The following RASSF6 variants were observed in gnomAD, a reference collection of about 807,000 sequenced individuals.
RASSF6 encodes the protein Ras association domain family member 6, also known as ras association domain-containing protein 6.
A neutral mutation model predicts 44.0 loss-of-function variants in RASSF6; 52 were observed. The ratio of observed to expected loss-of-function variants is 1.18; its 90% CI spans 0.95 to 1.49. The LOEUF (loss-of-function observed/expected upper bound fraction) is 1.49. RASSF6 is among the 40% of genes most tolerant of loss of function. RASSF6 has a pLI of 0.00. For missense variants in RASSF6, 464 were observed against 393.3 expected, an observed-to-expected ratio of 1.18 and a Z score of -1.52; for synonymous variants, 162 against 124.6, an observed-to-expected ratio of 1.30 and a Z score of -2.00.
At position 73,611,840 on chromosome 4, in the gene RASSF6, G is replaced by C. The variant is rs1277151091; in HGVS notation, c.-34-11C>G. The C allele has an allele frequency of 2.0e-6, 3 of 1,527,694 alleles. No homozygotes were observed. The highest frequency in any genetic ancestry group is 2.7e-6 in the Non-Finnish European group (3 of 1,104,074). The allele number at this position is 1,527,694 out of a possible 1,614,324, so 94.6% of individuals were successfully genotyped here. A position where few individuals can be genotyped will look rare whatever the true frequency, so the allele number is the denominator to read the frequency against. On this transcript the variant is annotated splice_polypyrimidine_tract_variant and intron_variant, in intron 1 of 10. Coordinates refer to ENST00000307439, the MANE Select transcript of RASSF6 (RefSeq NM_177532.5). Reference sequence around the variant, plus strand: ...TGGTCTGAGGATATCCTAAACATGAGAATAATATTAATGATTTGTTCCTAT... The same window carrying C: ...TGGTCTGAGGATATCCTAAACATGACAATAATATTAATGATTTGTTCCTAT...
At chr4:73,580,666 GTCT>G in intron 8 of RASSF6, among the ~76,000 whole-genome samples, 1 of 149,336 alleles carries the variant, frequency 6.7e-6, no homozygotes, top group Admixed American at 6.7e-5. Context: ...CTGCATAAAT[GTCT>G]TCTTTTGAGA....
At chr4:73,582,737 G>T (rs545516825) in intron 6 of RASSF6, among the ~76,000 whole-genome samples, 5 of 151,948 alleles carry the variant, frequency 3.3e-5, no homozygotes, top group Non-Finnish European at 7.4e-5. Flanking sequence ...GTGGGTTTTG[G>T]GGTGGCTCAT....
Position 73,585,289 on chromosome 4 carries a change from G to T in RASSF6, c.458C>A (p.Thr153Asn), listed in dbSNP as rs781754338. 2.0e-5 allele frequency: 33 copies of T among 1,612,620 alleles called. No individual in the cohort carries two copies. The South Asian group carries it at 3.3e-4, about 16-fold the overall frequency. Residue 153 changes from threonine (T) to asparagine (N), a missense_variant, in exon 6 of 11, where the codon ACC (threonine) becomes AAC (asparagine). By Grantham distance (65) the Thr-to-Asn change is moderately conservative (BLOSUM62 0). Transcript: ENST00000307439. Reference protein sequence around the residue: ...DEPDSPVLYRTMSEAALVRKR... With the variant: ...DEPDSPVLYRNMSEAALVRKR... ...TCTCACCAGAGCTGCTTCACTCATGGTTCTATAGAGCACTGGGGAGTCTGG... is the reference window on the plus strand; with the variant it reads ...TCTCACCAGAGCTGCTTCACTCATGTTTCTATAGAGCACTGGGGAGTCTGG...
At chr4:73,606,910 C>T (rs1312043650) in intron 2 of RASSF6, among the ~76,000 whole-genome samples, 1 of 152,116 alleles carries the variant, frequency 6.6e-6, no homozygotes, top group Non-Finnish European at 1.5e-5. Context: ...GGGATTGTTA[C>T]TAGAGGGTCT....
At chr4:73,603,968 C>T (rs1725452418) in intron 2 of RASSF6, 1 of 152,122 alleles carries the variant, frequency 6.6e-6, no homozygotes, top group Admixed American at 6.5e-5. Context: ...ACAGTTTGAA[C>T]CCACTAAGGA....
At position 73,576,409 on chromosome 4, in the gene RASSF6, CT is replaced by C; in HGVS notation, c.938del (p.Lys313AsnfsTer10). The C allele has an allele frequency of 1.3e-6, 2 of 1,549,060 alleles. No individual in the cohort carries two copies. Among genetic ancestry groups the C allele is most frequent in the Non-Finnish European group, 8.8e-7 (1 of 1,133,072 alleles). ...EKREIQRIVTKFNKEKAIILK... is the reference protein window; with the variant it reads ...EKREIQRIVTXFNKEKAIILK... ...ATCCAATGTGCATGCTCTTGACTTACTTTGTTACTATTCTTTGAATCTCTCT... is the reference window on the plus strand; with the variant it reads ...ATCCAATGTGCATGCTCTTGACTTACTTGTTACTATTCTTTGAATCTCTCT... On this transcript the variant is annotated frameshift_variant and splice_region_variant, in exon 10 of 11. Coordinates refer to ENST00000307439, the MANE Select transcript of RASSF6 (RefSeq NM_177532.5). LOFTEE classifies it high-confidence loss of function.
chr4:73,611,978 AG>A, intron 1 of RASSF6, 149 bp from the exon 2 acceptor site: 2 of 493,962 alleles, frequency 4.0e-6, no homozygotes, highest in African/African-American at 3.8e-5. Flanking sequence ...GCAAAAATAC[AG>A]AAAAATGTAT....
intron 4 of RASSF6, among the ~76,000 whole-genome samples, chr4:73,590,345 G>A (rs893970081): frequency 1.3e-5 from 2 of 152,272 alleles, no homozygotes; most frequent in Admixed American, 6.5e-5. Flanking sequence ...TGCAGCTGAA[G>A]TTCTATTGTC....
intron 1 of RASSF6, among the ~76,000 whole-genome samples, chr4:73,614,121 A>G (rs1260920475): frequency 6.6e-6 from 1 of 152,140 alleles, no homozygotes; most frequent in Non-Finnish European, 1.5e-5. Context: ...TCCCTCTTTC[A>G]TCATAAGCCA....
chr4:73,590,987 C>CAT (rs1385534398), intron 4 of RASSF6, among the ~76,000 whole-genome samples: 1 of 152,144 alleles, frequency 6.6e-6, no homozygotes, highest in African/African-American at 2.4e-5. Context: ...TATGGAGAGG[C>CAT]ATATTACCTT....
intron 1 of RASSF6, among the ~76,000 whole-genome samples, chr4:73,619,407 C>T (rs184767899): frequency 2.0e-4 from 30 of 152,284 alleles, no homozygotes; most frequent in African/African-American, 5.8e-4. Flanking sequence ...ATCCAGTCTC[C>T]GGGAACCAGT....
At position 73,575,931 on chromosome 4, in the gene RASSF6, C is replaced by G. The variant is rs75022496; in HGVS notation, c.*304G>C. The G allele has an allele frequency of 5.0e-6, 1 of 200,964 alleles. No individual in the cohort carries two copies. Among genetic ancestry groups the G allele is most frequent in the Non-Finnish European group, 9.9e-6 (1 of 100,944 alleles). The allele number at this position is 200,964 out of a possible 1,614,324, so 12.4% of individuals were successfully genotyped here. On this transcript the variant is annotated 3_prime_UTR_variant, in exon 11 of 11. Transcript: ENST00000307439. The stretch of plus-strand genomic sequence containing the variant: ...GAGTCCAAGCTAAATGAAGTTTAAA[C>G]TGCTTATCTGAAGACACCATTTAAA...
chr4:73,588,271 A>G (rs13144296), intron 4 of RASSF6, among the ~76,000 whole-genome samples: 42,164 of 151,832 alleles, frequency 0.28, 6,077 homozygotes, highest in Admixed American at 0.41. Flanking sequence ...GATATTTCAC[A>G]ATACTCTTAG....
At chr4:73,599,504 C>T (rs1000077508) in intron 2 of RASSF6, among the ~76,000 whole-genome samples, 1 of 152,196 alleles carries the variant, frequency 6.6e-6, no homozygotes, top group African/African-American at 2.4e-5. Context: ...CCCTGTGTCT[C>T]CCACTGGGAA....
intron 10 of RASSF6, 43 bp from the exon 11 acceptor site, chr4:73,576,353 T>C (rs1420080703): frequency 6.7e-7 from 1 of 1,482,878 alleles, no homozygotes; most frequent in African/African-American, 1.4e-5. Flanking sequence ...TTGGACATAT[T>C]TTGTGCATTG....
intron 3 of RASSF6, among the ~76,000 whole-genome samples, chr4:73,597,839 A>T (rs1301753655): frequency 6.6e-6 from 1 of 152,202 alleles, no homozygotes; most frequent in African/African-American, 2.4e-5. Flanking sequence ...GCTAGAGGCC[A>T]TCATTCTTAG....
At chr4:73,600,066 C>T (rs889009511) in intron 2 of RASSF6, among the ~76,000 whole-genome samples, 1 of 152,226 alleles carries the variant, frequency 6.6e-6, no homozygotes, top group African/African-American at 2.4e-5. Context: ...AAGTCATCTT[C>T]TCAAGAAGTC....
intron 6 of RASSF6, 78 bp from the exon 7 acceptor site, chr4:73,582,368 T>C: frequency 1.7e-6 from 1 of 600,412 alleles, no homozygotes; most frequent in Non-Finnish European, 2.7e-6. Flanking sequence ...ATAATCTTCT[T>C]ATAGGGCAAA....
chr4:73,577,789 G>C (rs1723333342), intron 8 of RASSF6, among the ~76,000 whole-genome samples: 2 of 152,176 alleles, frequency 1.3e-5, no homozygotes, highest in Admixed American at 1.3e-4. Flanking sequence ...TGCTTTATGG[G>C]ATGATTATTA....
Sources: gnomAD v4.1 joint callset for allele counts (sites outside exome capture counted in the v4.1 genomes callset) on GRCh38, gnomAD v4.1.1 for gene constraint, MANE v1.5 for transcripts, NCBI Gene and HGNC (gene_info 2026-07-23, HGNC 2026-07-21) for gene names.